Variants in C16orf89 observed in about 807,000 individuals in gnomAD.
C16orf89 encodes chromosome 16 open reading frame 89.
A neutral mutation model predicts 41.5 loss-of-function variants in C16orf89; 57 were observed. The ratio of observed to expected loss-of-function variants is 1.38; its 90% CI spans 1.11 to 1.71. The LOEUF (loss-of-function observed/expected upper bound fraction) is 1.71. Among genes scored for constraint, C16orf89 ranks in the 40% most tolerant of loss-of-function variants. The pLI is 0.00. For missense variants in C16orf89, 575 were observed against 445.9 expected (o/e 1.29, Z -2.61); for synonymous variants, 223 against 190.6 (o/e 1.17, Z -1.40).
Position 5,044,925 on chromosome 16 carries a change from C to T in C16orf89, c.956-447G>A. The T allele has an allele frequency of 4.9e-6, 6 of 1,226,012 alleles. 1 individual carries two copies. The highest frequency in any genetic ancestry group is 6.2e-6 in the Non-Finnish European group (6 of 968,268). 75.9% of individuals were successfully genotyped at this position (1,226,012 alleles called of 1,614,324 possible). A position where few individuals can be genotyped will look rare whatever the true frequency, so the allele number is the denominator to read the frequency against. On this transcript the variant is annotated intron_variant, in intron 7 of 7. Transcript: ENST00000472572. ...TGGGTGCTTCGGTGCTCCCTTAGGC[C>T]CCTTTTGCTGGGCCGGGTGCTCTTC...
chr16:5,044,679 TA>T, intron 7 of C16orf89: 8 of 1,108,782 alleles, frequency 7.2e-6, no homozygotes, highest in African/African-American at 1.6e-5. Context: ...CTGTCTCTAC[TA>T]AAAAAATATA....
At chr16:5,064,124 C>G (rs2142681874) in intron 1 of C16orf89, among the ~76,000 whole-genome samples, 2 of 151,746 alleles carry the variant, frequency 1.3e-5, no homozygotes, top group African/African-American at 4.8e-5. Flanking sequence ...GACTCCGTCT[C>G]AAAATAATAA....
intron 7 of C16orf89, among the ~76,000 whole-genome samples, chr16:5,045,489 T>C (rs925362959): frequency 6.6e-6 from 1 of 152,152 alleles, no homozygotes; most frequent in Non-Finnish European, 1.5e-5. Flanking sequence ...GAGCCAGGAA[T>C]TCTTTCCTCC....
chr16:5,062,655 C>G, intron 1 of C16orf89, 81 bp from the exon 2 acceptor site: 1 of 1,419,786 alleles, frequency 7.0e-7, no homozygotes, highest in Non-Finnish European at 9.5e-7. Flanking sequence ...AAAAAATGCC[C>G]CAAAGTCTAA....
At position 5,055,255 on chromosome 16, in the gene C16orf89, C is replaced by T. The variant is rs199891335; in HGVS notation, c.859G>A (p.Gly287Arg). ...CAGCAGCGCAGCTCACCAGGCTCCC[C>T]GAAGCATCCTTCCTGCTGTTTCTGC... Reference protein sequence around the residue: ...SWQKQQEGCFGEPDAEDEELS... With the variant: ...SWQKQQEGCFREPDAEDEELS... The change falls in exon 6 of 8, where the codon GGG becomes AGG. Residue 287 changes from glycine (G) to arginine (R), a missense_variant. Coordinates refer to ENST00000472572, the MANE Select transcript of C16orf89 (RefSeq NM_001098514.3). The T allele has an allele frequency of 1.1e-4, 177 of 1,610,536 alleles. No homozygotes were observed. Among genetic ancestry groups the T allele is most frequent in the Non-Finnish European group, 1.4e-4 (165 of 1,177,840 alleles).
intron 1 of C16orf89, among the ~76,000 whole-genome samples, chr16:5,063,769 AG>A (rs1236539960): frequency 2.6e-5 from 4 of 152,196 alleles, no homozygotes; most frequent in Non-Finnish European, 5.9e-5. Flanking sequence ...AAACAGTCTC[AG>A]GGCTTCAACT....
chr16:5,053,117 C>A (rs781122307), intron 6 of C16orf89, among the ~76,000 whole-genome samples: 3 of 152,132 alleles, frequency 2.0e-5, no homozygotes, highest in Non-Finnish European at 4.4e-5. Context: ...TGCCTGTAAT[C>A]CCAGCACTTT....
chr16:5,049,402 A>C (rs1956358100), intron 6 of C16orf89, among the ~76,000 whole-genome samples: 2 of 152,244 alleles, frequency 1.3e-5, no homozygotes, highest in African/African-American at 4.8e-5. Flanking sequence ...CAGAATATAT[A>C]TTCTTCTCAT....
rs768228083 is a variant in C16orf89 at position 5,044,871 on chromosome 16, T to C, written c.956-393A>G. On this transcript the variant is annotated intron_variant, in intron 7 of 7. Transcript: ENST00000472572. ...AAAAAAAAAAAGTGCTTTTCAGATG[T>C]CATTCCAGGCAACTTGCAAGACGCT... The C allele has an allele frequency of 6.4e-6, 8 of 1,255,712 alleles. No individual in the cohort carries two copies. The South Asian group carries it at 9.3e-5, about 15-fold the overall frequency. 77.8% of individuals were successfully genotyped at this position (1,255,712 alleles called of 1,614,324 possible).
chr16:5,053,938 C>A (rs142109274), intron 6 of C16orf89, among the ~76,000 whole-genome samples: 301 of 152,278 alleles, frequency 2.0e-3, no homozygotes, highest in African/African-American at 6.8e-3. Context: ...ATATTGTATA[C>A]ATGTATGGAA....
chr16:5,059,108 C>T (rs1368748409), intron 3 of C16orf89, among the ~76,000 whole-genome samples: 2 of 151,956 alleles, frequency 1.3e-5, no homozygotes, highest in African/African-American at 4.8e-5. Context: ...GGTGTGGTGG[C>T]ACGTGCCTGT....
chr16:5,062,209 C>T (rs1956640768), intron 2 of C16orf89, among the ~76,000 whole-genome samples: 1 of 152,196 alleles, frequency 6.6e-6, no homozygotes, highest in South Asian at 2.1e-4. Flanking sequence ...TTCCTCTGCA[C>T]ACCTCTGTGT....
chr16:5,056,004 TG>T (rs752315815), intron 5 of C16orf89, 48 bp downstream of exon 5: 1 of 1,353,470 alleles, frequency 7.4e-7, no homozygotes, highest in Non-Finnish European at 1.0e-6. Flanking sequence ...TGTGTGTTGG[TG>T]GGGGGACACC....
In C16orf89 at chr16:5,044,480, T is replaced by C; in HGVS notation, c.956-2A>G. ...CTGTGTTGTGGGAGGAGCAGCCATCTAGGGGAGAGAGCCCCCATGAGTGCT... is the reference window on the plus strand; with the variant it reads ...CTGTGTTGTGGGAGGAGCAGCCATCCAGGGGAGAGAGCCCCCATGAGTGCT... On this transcript the variant is annotated splice_acceptor_variant, in intron 7 of 7. Transcript: ENST00000472572. LOFTEE classifies it high-confidence loss of function. 1 of 1,612,388 alleles carries C rather than the reference T, an allele frequency of 6.2e-7. No individual in the cohort carries two copies. The highest frequency in any genetic ancestry group is 1.1e-5 in the South Asian group (1 of 90,920).
intron 1 of C16orf89, 80 bp from the exon 2 acceptor site, chr16:5,062,654 C>A: frequency 2.1e-6 from 3 of 1,423,288 alleles, no homozygotes; most frequent in Non-Finnish European, 2.9e-6. Flanking sequence ...AAAAAAATGC[C>A]CCAAAGTCTA....
chr16:5,053,643 A>G (rs1429902055), intron 6 of C16orf89, among the ~76,000 whole-genome samples: 1 of 151,762 alleles, frequency 6.6e-6, no homozygotes, highest in Admixed American at 6.6e-5. Context: ...TGCTGGGCTC[A>G]AGTGATTCTC....
At chr16:5,051,766 A>T (rs1038476346) in intron 6 of C16orf89, among the ~76,000 whole-genome samples, 1 of 152,254 alleles carries the variant, frequency 6.6e-6, no homozygotes, top group Non-Finnish European at 1.5e-5. Flanking sequence ...AGCTGGAAGC[A>T]TCACATTACT....
chr16:5,056,379 G>A (rs951045838), intron 4 of C16orf89, among the ~76,000 whole-genome samples, 191 bp from the exon 5 acceptor site: 1 of 152,268 alleles, frequency 6.6e-6, no homozygotes, highest in South Asian at 2.1e-4. Flanking sequence ...TGCTGGGTTC[G>A]AGATCCAGCT....
At chr16:5,048,359 C>T (rs950428344) in intron 6 of C16orf89, among the ~76,000 whole-genome samples, 4 of 152,166 alleles carry the variant, frequency 2.6e-5, no homozygotes, top group African/African-American at 9.7e-5. Context: ...AAATGTTACT[C>T]ACTAAACCTC....
Sources: gnomAD v4.1 joint callset for allele counts (sites outside exome capture counted in the v4.1 genomes callset) on GRCh38, gnomAD v4.1.1 for gene constraint, MANE v1.5 for transcripts, NCBI Gene and HGNC (gene_info 2026-07-23, HGNC 2026-07-21) for gene names.